The following UNC5D variants were observed in gnomAD, a reference collection of about 807,000 sequenced individuals.
UNC5D encodes the protein netrin receptor UNC5D.
A neutral mutation model predicts 105.4 loss-of-function variants in UNC5D; 39 were observed. That is an observed-to-expected ratio of 0.37 (90% CI 0.29 to 0.48). The LOEUF is 0.48. UNC5D is among the 20% of genes least tolerant of loss of function. The pLI is 0.98. For missense variants in UNC5D, 991 were observed against 1,202.4 expected (o/e 0.82, Z 2.60); for synonymous variants, 452 against 450.4 (o/e 1.00, Z -0.04).
chr8:35,642,582 G>A (rs1822810479), intron 4 of UNC5D, among the ~76,000 whole-genome samples: 2 of 152,066 alleles, frequency 1.3e-5, no homozygotes, highest in African/African-American at 4.8e-5. Flanking sequence ...CTGGCCATGG[G>A]TGCTTTTCTG....
chr8:35,630,336 A>T (rs992592844), intron 4 of UNC5D, among the ~76,000 whole-genome samples: 1 of 152,186 alleles, frequency 6.6e-6, no homozygotes, highest in African/African-American at 2.4e-5. Flanking sequence ...ATTATCAGGG[A>T]TTATTAGCCA....
chr8:35,555,682 T>C (rs1816486081), intron 2 of UNC5D, among the ~76,000 whole-genome samples: 1 of 151,530 alleles, frequency 6.6e-6, no homozygotes, highest in Non-Finnish European at 1.5e-5. Flanking sequence ...AAAAATTAGC[T>C]GGCCGTGGTG....
intron 1 of UNC5D, among the ~76,000 whole-genome samples, chr8:35,468,797 T>C (rs756734496): frequency 9.9e-5 from 15 of 152,212 alleles, no homozygotes; most frequent in Non-Finnish European, 1.9e-4. Flanking sequence ...AAACACCTCC[T>C]GGCAAAGAAG....
intron 1 of UNC5D, among the ~76,000 whole-genome samples, chr8:35,433,423 A>G (rs1415017642): frequency 6.6e-6 from 1 of 152,190 alleles, no homozygotes; most frequent in Admixed American, 6.5e-5. Context: ...TATGAGAGGA[A>G]AAGCTAACAG....
At chr8:35,550,833 G>C (rs752746109) in intron 2 of UNC5D, among the ~76,000 whole-genome samples, 1 of 152,210 alleles carries the variant, frequency 6.6e-6, no homozygotes, top group Admixed American at 6.5e-5. Flanking sequence ...GGGCATAATT[G>C]ATGCTACACC....
intron 1 of UNC5D, among the ~76,000 whole-genome samples, chr8:35,427,159 C>A (rs1806307581): frequency 6.6e-6 from 1 of 152,176 alleles, no homozygotes; most frequent in Non-Finnish European, 1.5e-5. Context: ...CCAACTACCC[C>A]TTTGAATTAT....
intron 1 of UNC5D, among the ~76,000 whole-genome samples, chr8:35,470,800 AAATAAAT>A (rs1456988017): frequency 0.024 from 858 of 36,424 alleles, 9 homozygotes; most frequent in Middle Eastern, 0.065. Flanking sequence ...ATAAATAAAT[AAATAAAT>A]AAATAAAATA....
chr8:35,651,903 C>T (rs903722944), intron 4 of UNC5D, among the ~76,000 whole-genome samples: 1 of 152,162 alleles, frequency 6.6e-6, no homozygotes, highest in African/African-American at 2.4e-5. Flanking sequence ...CATTCTGCTA[C>T]TTAAGAAACT....
chr8:35,684,461 G>C, intron 5 of UNC5D, 121 bp from the exon 6 acceptor site: 1 of 1,208,680 alleles, frequency 8.3e-7, no homozygotes, highest in Non-Finnish European at 1.1e-6. Context: ...AGTGGGGGCT[G>C]CACAGTCTCT....
intron 1 of UNC5D, among the ~76,000 whole-genome samples, chr8:35,503,718 G>C (rs1438852473): frequency 1.3e-5 from 2 of 152,144 alleles, no homozygotes; most frequent in Admixed American, 6.5e-5. Flanking sequence ...TTCCTTAATA[G>C]AAAGGGAGTT....
intron 11 of UNC5D, among the ~76,000 whole-genome samples, chr8:35,740,046 T>C (rs540292341): frequency 1.6e-4 from 24 of 152,312 alleles, no homozygotes; most frequent in African/African-American, 5.5e-4. Context: ...ACAATGAAGA[T>C]AGCCCTAAAG....
At position 35,568,199 on chromosome 8, in the gene UNC5D, C is replaced by G; in HGVS notation, c.424C>G (p.Leu142Val). The change falls in exon 3 of 17, where the codon CTG becomes GTG. Residue 142 changes from leucine (L) to valine (V), a missense_variant. Physicochemically the swap from Leu to Val is conservative, Grantham distance 32. Transcript: ENST00000404895. ...GTGCCAGTGTGTGGCGTGGAGCCACCTGGGTACCTCCAAGAGCAGGAAGGC... is the reference window on the plus strand; with the variant it reads ...GTGCCAGTGTGTGGCGTGGAGCCACGTGGGTACCTCCAAGAGCAGGAAGGC... ...YWCQCVAWSH[L>V]GTSKSRKASV... The G allele has an allele frequency of 6.2e-7, 1 of 1,614,164 alleles. No homozygotes were observed. The highest frequency in any genetic ancestry group is 1.1e-5 in the South Asian group (1 of 91,076).
At chr8:35,670,762 G>A (rs532258698) in intron 4 of UNC5D, among the ~76,000 whole-genome samples, 5 of 150,458 alleles carry the variant, frequency 3.3e-5, no homozygotes, top group African/African-American at 9.7e-5. Context: ...TAATGCATGT[G>A]GGCCATAAAA....
At position 35,790,731 on chromosome 8, in the gene UNC5D, A is replaced by C. The variant is rs1317326135; in HGVS notation, c.*168A>C. On this transcript the variant is annotated 3_prime_UTR_variant, in exon 17 of 17. Transcript: ENST00000404895. ...AATTTTATATAGGTAAAACATGTTA[A>C]TAGGGAAGAGTACAAGCTCTCTTAC... The C allele has an allele frequency of 7.3e-6, 5 of 684,080 alleles. No homozygotes were observed. The highest frequency in any genetic ancestry group is 1.2e-5 in the Non-Finnish European group (5 of 406,450). 42.4% of individuals were successfully genotyped at this position (684,080 alleles called of 1,614,324 possible). A position where few individuals can be genotyped will look rare whatever the true frequency, so the allele number is the denominator to read the frequency against.
chr8:35,308,903 A>G (rs1252815940), intron 1 of UNC5D, among the ~76,000 whole-genome samples: 1 of 152,182 alleles, frequency 6.6e-6, no homozygotes, highest in African/African-American at 2.4e-5. Flanking sequence ...AGTCTTTAAC[A>G]GGGAAGAATC....
At chr8:35,593,874 T>C (rs1372098115) in intron 3 of UNC5D, among the ~76,000 whole-genome samples, 3 of 152,184 alleles carry the variant, frequency 2.0e-5, no homozygotes, top group African/African-American at 7.2e-5. Flanking sequence ...TTCTGATAAA[T>C]AACCAAGTCA....
chr8:35,690,939 C>T (rs141318228), intron 7 of UNC5D, among the ~76,000 whole-genome samples: 19 of 152,302 alleles, frequency 1.2e-4, no homozygotes, highest in Admixed American at 9.8e-4. Context: ...TCCACCTTCT[C>T]GTGGAGGATT....
At chr8:35,371,827 T>C (rs1157678538) in intron 1 of UNC5D, among the ~76,000 whole-genome samples, 1 of 152,220 alleles carries the variant, frequency 6.6e-6, no homozygotes, top group Non-Finnish European at 1.5e-5. Flanking sequence ...AATGTCCCAA[T>C]AGGTGTAGAT....
chr8:35,313,296 G>A (rs926041639), intron 1 of UNC5D, among the ~76,000 whole-genome samples: 1 of 152,088 alleles, frequency 6.6e-6, no homozygotes, highest in African/African-American at 2.4e-5. Context: ...GTGTAATAAT[G>A]TCCTTTAATA....
Sources: gnomAD v4.1 joint callset for allele counts (sites outside exome capture counted in the v4.1 genomes callset) on GRCh38, gnomAD v4.1.1 for gene constraint, MANE v1.5 for transcripts, NCBI Gene and HGNC (gene_info 2026-07-23, HGNC 2026-07-21) for gene names.